NOMO2: variants seen among roughly 807,000 people sequenced by gnomAD.
The protein encoded by NOMO2 is NODAL modulator 2.
NOMO2 carries 14 observed loss-of-function variants against 67.1 expected under a neutral mutation model. The ratio of observed to expected loss-of-function variants is 0.21; its 90% CI spans 0.14 to 0.33. The LOEUF (loss-of-function observed/expected upper bound fraction) is 0.33, where lower values mean the gene tolerates loss of function less well. Ranked by LOEUF, NOMO2 falls within the 10% of genes least tolerant of loss-of-function variation. The probability of loss-of-function intolerance (pLI) is 1.00; values close to 1 mark genes in which losing one functional copy is unlikely to be tolerated. For missense variants in NOMO2, 178 were observed against 761.0 expected (o/e 0.23, Z 9.01); for synonymous variants, 80 against 305.9 (o/e 0.26, Z 7.71).
rs943317708 is a variant in NOMO2 at position 18,544,852 on chromosome 16, C to G, written c.583-1083G>C. Among the ~76,000 whole-genome samples the G allele has an allele frequency of 1.1e-4, 17 of 151,838 alleles. 1 individual carries two copies. The highest frequency in any genetic ancestry group is 3.9e-4 in the African/African-American group (16 of 41,332). ...TCTAAGCACGCAGCACAGGGCTTGTCACAAATTGGGCACTGGTTACCCAAC... is the reference window on the plus strand; with the variant it reads ...TCTAAGCACGCAGCACAGGGCTTGTGACAAATTGGGCACTGGTTACCCAAC... On this transcript the variant is annotated intron_variant, in intron 6 of 30. Transcript: ENST00000622306.
intron 5 of NOMO2, among the ~76,000 whole-genome samples, chr16:18,547,526 T>A (rs946897632): frequency 5.3e-5 from 8 of 152,016 alleles, no homozygotes; most frequent in Non-Finnish European, 1.0e-4. Flanking sequence ...CATGTGCTGA[T>A]CGGAAAGAGG....
chr16:18,533,655 G>T (rs1264571704), intron 11 of NOMO2: 4 of 163,150 alleles, frequency 2.5e-5, no homozygotes, highest in Non-Finnish European at 5.4e-5. Flanking sequence ...TTCCTTGCTT[G>T]TGATTATATA....
At chr16:18,551,743 AGCCTCCTG>A (rs1481565491) in intron 3 of NOMO2, among the ~76,000 whole-genome samples, 1 of 148,940 alleles carries the variant, frequency 6.7e-6, no homozygotes, top group African/African-American at 2.5e-5. Context: ...CTATCCCCCT[AGCCTCCTG>A]GTTTCCTGCC....
chr16:18,561,453 T>G (rs1902048427), intron 1 of NOMO2, among the ~76,000 whole-genome samples: 2 of 145,736 alleles, frequency 1.4e-5, no homozygotes, highest in East Asian at 2.1e-4. Flanking sequence ...GGCTGTGGAG[T>G]TTGGGGGATA....
rs1567249660 is a variant in NOMO2, at chr16:18,561,984, C to CACCGCGGCGGTG, written c.45_56dup (p.Thr16_Val19dup). 6.4e-7 allele frequency: 1 copy of CACCGCGGCGGTG among 1,561,182 alleles called. No homozygotes were observed. Among genetic ancestry groups the CACCGCGGCGGTG allele is most frequent in the African/African-American group, 1.4e-5 (1 of 72,316 alleles). ...GCCCCACGCCGCTCAGCAGCAGCAC[C>CACCGCGGCGGTG]ACCGCGGCGGTGACCACCGCGGGCC... On this transcript the variant is annotated inframe_insertion, in exon 1 of 31. Transcript: ENST00000622306.
At chr16:18,540,300 T>C (rs1267647148) in intron 9 of NOMO2, among the ~76,000 whole-genome samples, 1 of 150,280 alleles carries the variant, frequency 6.7e-6, no homozygotes, top group Non-Finnish European at 1.5e-5. Flanking sequence ...ATTCCATGCA[T>C]TACCTACTTA....
At chr16:18,540,197 T>C (rs1285010556) in intron 9 of NOMO2, among the ~76,000 whole-genome samples, 1 of 149,668 alleles carries the variant, frequency 6.7e-6, no homozygotes, top group East Asian at 2.0e-4. Context: ...CCTTCTTTTT[T>C]ATTTTTTTAT....
intron 2 of NOMO2, among the ~76,000 whole-genome samples, chr16:18,555,262 C>T (rs1901876676): frequency 1.3e-5 from 2 of 151,794 alleles, no homozygotes; most frequent in Admixed American, 6.6e-5. Flanking sequence ...AGGCACAGTA[C>T]CTCACACCTA....
At chr16:18,528,383 T>C (rs1232169521) in intron 15 of NOMO2, among the ~76,000 whole-genome samples, 1 of 151,950 alleles carries the variant, frequency 6.6e-6, no homozygotes, top group Non-Finnish European at 1.5e-5. Context: ...CGATCTCCTA[T>C]AACAAATCGA....
intron 12 of NOMO2, 34 bp from the exon 13 acceptor site, chr16:18,531,641 A>G: frequency 1.2e-6 from 2 of 1,611,274 alleles, no homozygotes; most frequent in Non-Finnish European, 1.7e-6. Flanking sequence ...TAGAGGCTGC[A>G]TTCGGGGAGA....
At chr16:18,560,637 G>C (rs936103812) in intron 1 of NOMO2, among the ~76,000 whole-genome samples, 6 of 151,776 alleles carry the variant, frequency 4.0e-5, no homozygotes, top group South Asian at 2.1e-4. Context: ...AGCAAACAAC[G>C]GGGCCTTGAA....
At chr16:18,520,414 ACCATCCATCCATCCAT>A (rs766197133) in intron 20 of NOMO2, among the ~76,000 whole-genome samples, 167 bp downstream of exon 20, 2 of 146,258 alleles carry the variant, frequency 1.4e-5, no homozygotes. Flanking sequence ...ATCCAACCCA[ACCATCCATCCATCCAT>A]CCATCCATCC....
chr16:18,528,392 G>A (rs1321031106), intron 15 of NOMO2, among the ~76,000 whole-genome samples: 4 of 151,690 alleles, frequency 2.6e-5, no homozygotes, highest in East Asian at 1.9e-4. Flanking sequence ...ATAACAAATC[G>A]ACCTGTCAAG....
At position 18,533,735 on chromosome 16, in the gene NOMO2, A is replaced by G. The variant is rs1451733147; in HGVS notation, c.1221-556T>C. 2 of 153,828 alleles carry G rather than the reference A, an allele frequency of 1.3e-5. 1 individual carries two copies. Among genetic ancestry groups the G allele is most frequent in the Non-Finnish European group, 2.9e-5 (2 of 69,124 alleles). The allele number at this position is 153,828 out of a possible 1,614,324, so 9.5% of individuals were successfully genotyped here. On this transcript the variant is annotated intron_variant, in intron 11 of 30. Transcript: ENST00000622306. ...TAATTAAGTTAAAAAATGCAAAGCT[A>G]AAATTGAACTCCTTGGGAGGTAGGA...
chr16:18,526,818 C>T (rs1472975441), intron 16 of NOMO2, among the ~76,000 whole-genome samples: 5 of 151,896 alleles, frequency 3.3e-5, no homozygotes, highest in African/African-American at 9.7e-5. Flanking sequence ...GGATTCTGGC[C>T]GTGGTTGTGC....
chr16:18,540,199 T>G (rs936146754), intron 9 of NOMO2, among the ~76,000 whole-genome samples: 1 of 149,552 alleles, frequency 6.7e-6, no homozygotes, highest in African/African-American at 2.4e-5. Flanking sequence ...TTCTTTTTTA[T>G]TTTTTTATTT....
At chr16:18,531,685 C>T in intron 12 of NOMO2, 78 bp from the exon 13 acceptor site, 1 of 1,597,056 alleles carries the variant, frequency 6.3e-7, no homozygotes, top group Non-Finnish European at 8.5e-7. Flanking sequence ...CTAGAACATT[C>T]ATCTGGGACT....
chr16:18,537,407 G>A (rs1256475082), intron 11 of NOMO2, among the ~76,000 whole-genome samples: 1 of 149,198 alleles, frequency 6.7e-6, no homozygotes, highest in African/African-American at 2.4e-5. Flanking sequence ...TTTTCAGAAT[G>A]CCCTATTGAA....
chr16:18,550,748 A>C (rs1293963916), intron 4 of NOMO2, among the ~76,000 whole-genome samples: 2 of 152,126 alleles, frequency 1.3e-5, no homozygotes, highest in Non-Finnish European at 2.9e-5. Flanking sequence ...AAGCAGATGC[A>C]CGCTCTCTCT....
Sources: allele counts gnomAD v4.1 joint callset (sites outside exome capture counted in the v4.1 genomes callset), GRCh38; gene constraint gnomAD v4.1.1; transcripts MANE v1.5; gene names NCBI Gene and HGNC (gene_info 2026-07-23, HGNC 2026-07-21).